HMX1: variants seen among roughly 807,000 people sequenced by gnomAD.
HMX1 encodes homeobox protein HMX1.
In HMX1, 8 loss-of-function variants were observed where a neutral mutation model predicts 8.9. The observed-to-expected ratio is 0.90, with a 90% CI of 0.53 to 1.63. The LOEUF is 1.63. HMX1 is among the 40% of genes most tolerant of loss of function. The pLI is 0.00. For missense variants in HMX1, 621 were observed against 558.5 expected, an observed-to-expected ratio of 1.11 and a Z score of -1.13; for synonymous variants, 311 against 283.4, an observed-to-expected ratio of 1.10 and a Z score of -0.98.
Position 8,868,434 on chromosome 4 carries a change from G to A in HMX1, c.395-89C>T, listed in dbSNP as rs1306843203. 2.7e-5 allele frequency: 28 copies of A among 1,026,164 alleles called. No individual in the cohort carries two copies. Among genetic ancestry groups the A allele is most frequent in the Non-Finnish European group, 3.5e-5 (28 of 794,850 alleles). 63.6% of individuals were successfully genotyped at this position (1,026,164 alleles called of 1,614,324 possible). A position where few individuals can be genotyped will look rare whatever the true frequency, so the allele number is the denominator to read the frequency against. ...GGCCAGCCGTCCCCACCTTGAGGTC[G>A]CTCACAGCCACAAGCAGGAAGACCT... On this transcript the variant is annotated intron_variant, in intron 1 of 1. Coordinates refer to ENST00000400677, the MANE Select transcript of HMX1 (RefSeq NM_018942.3). This position sits in a 1 kb window ranked among gnomAD's most constrained non-coding sequence, Gnocchi z 4.6.
chr4:8,867,741 G>A lies in HMX1; in HGVS notation c.999C>T (p.Ala333=), dbSNP rs569192304. 2.3e-6 allele frequency: 3 copies of A among 1,290,864 alleles called. No individual in the cohort carries two copies. Among genetic ancestry groups the A allele is most frequent in the Admixed American group, 3.7e-5 (1 of 27,190 alleles). The allele number at this position is 1,290,864 out of a possible 1,614,324, so 80.0% of individuals were successfully genotyped here. A position where few individuals can be genotyped will look rare whatever the true frequency, so the allele number is the denominator to read the frequency against. ...CCCGCAGAAAGGGCACGGAGGCGGC[G>A]GCCGGGAAGGCGGCCAGCGGGTAGG... The part of the protein sequence containing the change: ...ALAYPLAAFP[A]AASVPFLRAQ... The change falls in exon 2 of 2, where the codon GCC becomes GCT. Residue 333 remains alanine (A), a synonymous_variant. Transcript: ENST00000400677.
At chr4:8,861,449 G>A (rs1577197123) in intron 1 of HMX1, among the ~76,000 whole-genome samples, 2 of 152,332 alleles carry the variant, frequency 1.3e-5, no homozygotes, top group South Asian at 2.1e-4. Context: ...GAAGTAGGGA[G>A]AATCACGCTC....
At chr4:8,858,122 C>A (rs1172326416) in intron 1 of HMX1, among the ~76,000 whole-genome samples, 3 of 152,024 alleles carry the variant, frequency 2.0e-5, no homozygotes, top group African/African-American at 7.2e-5. Flanking sequence ...CGCCCCCAAG[C>A]CGGTCGAGGC....
At chr4:8,859,917 C>G (rs1207715766) in intron 1 of HMX1, among the ~76,000 whole-genome samples, 1 of 152,246 alleles carries the variant, frequency 6.6e-6, no homozygotes, top group East Asian at 1.9e-4. Flanking sequence ...GGATCTGTGT[C>G]CACCTCTGGA....
At chr4:8,857,693 G>A (rs1293785688) in intron 1 of HMX1, among the ~76,000 whole-genome samples, 1 of 152,222 alleles carries the variant, frequency 6.6e-6, no homozygotes, top group Non-Finnish European at 1.5e-5. Context: ...CTGAGTCTGG[G>A]GGTTCGGGAA....
intron 1 of HMX1, among the ~76,000 whole-genome samples, chr4:8,858,136 C>A (rs1416607455): frequency 3.3e-5 from 5 of 152,032 alleles, no homozygotes; most frequent in East Asian, 3.9e-4. Flanking sequence ...TCGAGGCCCC[C>A]GTCCATTTGG....
At position 8,870,407 on chromosome 4, in the gene HMX1, A is replaced by AC. The variant is rs1052391565; in HGVS notation, c.394+813dup. Among the ~76,000 whole-genome samples, 5 of 150,706 alleles carry AC rather than the reference A, an allele frequency of 3.3e-5. No individual in the cohort carries two copies. The highest frequency in any genetic ancestry group is 6.6e-5 in the Admixed American group (1 of 15,078). On this transcript the variant is annotated intron_variant, in intron 1 of 1. Transcript: ENST00000400677. This position sits in a 1 kb window ranked among gnomAD's most constrained non-coding sequence, Gnocchi z 4.4. ...GGGCAAAGGGGTTCTGGGGTTGAGA[A>AC]CCCCCAGCCCCAGTCTCAAGCCCTC...
intron 1 of HMX1, among the ~76,000 whole-genome samples, chr4:8,857,213 G>C (rs922759626): frequency 6.6e-6 from 1 of 152,208 alleles, no homozygotes; most frequent in East Asian, 1.9e-4. Context: ...CAATGCAGCC[G>C]CCGAGGAAGC....
At chr4:8,863,497 G>T (rs1721898073), downstream of HMX1, among the ~76,000 whole-genome samples, 1 of 152,256 alleles carries the variant, frequency 6.6e-6, no homozygotes, top group Non-Finnish European at 1.5e-5. Flanking sequence ...GCATGCGGAT[G>T]GGTGAGGGCA....
Position 8,868,392 on chromosome 4 carries a change from C to A in HMX1, c.395-47G>T. The A allele has an allele frequency of 7.6e-7, 1 of 1,309,168 alleles. No individual in the cohort carries two copies. The allele number at this position is 1,309,168 out of a possible 1,614,324, so 81.1% of individuals were successfully genotyped here. A position where few individuals can be genotyped will look rare whatever the true frequency, so the allele number is the denominator to read the frequency against. On this transcript the variant is annotated intron_variant, in intron 1 of 1. Coordinates refer to ENST00000400677, the MANE Select transcript of HMX1 (RefSeq NM_018942.3). This position sits in a 1 kb window ranked among gnomAD's most constrained non-coding sequence, Gnocchi z 4.6. Reference sequence around the variant, plus strand: ...ACCGTTGGTTCTAGGGCACTGATTACCAGACTCAATCACTGAGGCCAGCCG... The same window carrying A: ...ACCGTTGGTTCTAGGGCACTGATTAACAGACTCAATCACTGAGGCCAGCCG...
rs570236606 is a variant in HMX1, at chr4:8,867,161, G to T, written c.*532C>A. On this transcript the variant is annotated 3_prime_UTR_variant, in exon 2 of 2. Coordinates refer to ENST00000400677, the MANE Select transcript of HMX1 (RefSeq NM_018942.3). ...GCCCCAGCCTGCCTGCTCCTGGAAC[G>T]GACGATGGGACCCACAGGTCCAGGG... is the stretch of plus-strand genomic sequence containing the variant. 359 of 985,444 alleles carry T rather than the reference G, an allele frequency of 3.6e-4. 3 individuals are homozygous for T. The African/African-American group carries it at 5.8e-3, about 16-fold the overall frequency. The allele number at this position is 985,444 out of a possible 1,614,324, so 61.0% of individuals were successfully genotyped here.
chr4:8,866,434 C>T (rs1047132253), downstream of HMX1, among the ~76,000 whole-genome samples: 17 of 152,262 alleles, frequency 1.1e-4, no homozygotes, highest in Non-Finnish European at 1.8e-4. Flanking sequence ...TGTCCCTCCC[C>T]CACCCAAAAG....
downstream of HMX1, among the ~76,000 whole-genome samples, chr4:8,862,763 A>G (rs532343724): frequency 5.3e-5 from 8 of 152,336 alleles, no homozygotes; most frequent in East Asian, 1.2e-3. Flanking sequence ...AAAAATAAAC[A>G]AAAACTCAGC....
Position 8,854,698 on chromosome 4 carries a change from CTCTG to C in HMX1, c.395-8378_395-8375del, listed in dbSNP as rs891158641. Among the ~76,000 whole-genome samples the C allele has an allele frequency of 5.1e-4, 77 of 152,358 alleles. 1 individual carries two copies. Among genetic ancestry groups the C allele is most frequent in the African/African-American group, 1.7e-3 (72 of 41,588 alleles). The stretch of plus-strand genomic sequence containing the variant: ...AAAATTGCATATGTGCTCCCTGTCT[CTCTG>C]TCTATCTAACTATTCTATTGATTCT... On this transcript the variant is annotated intron_variant, in intron 1 of 1. Coordinates refer to the HMX1 transcript ENST00000506970.
rs1442317752 is a variant in HMX1, at chr4:8,868,126, T to G, written c.614A>C (p.Lys205Thr). The change falls in exon 2 of 2, where the codon AAG becomes ACG. Residue 205 changes from lysine (K) to threonine (T), a missense_variant. Lys to Thr is a moderately conservative substitution (Grantham distance 78). Coordinates refer to ENST00000400677, the MANE Select transcript of HMX1 (RefSeq NM_018942.3). The surrounding 1 kb of genome is among the most constrained non-coding windows in gnomAD (Gnocchi z 4.6). ...GVGVGGGRKK[K>T]TRTVFSRSQV... ...GCTGCGGGAGAAGACTGTGCGCGTC[T>G]TCTTCTTTCGGCCGCCGCCCACGCC... The G allele has an allele frequency of 2.1e-5, 32 of 1,514,504 alleles. No homozygotes were observed. The highest frequency in any genetic ancestry group is 2.2e-5 in the Non-Finnish European group (25 of 1,135,688). The allele number at this position is 1,514,504 out of a possible 1,614,324, so 93.8% of individuals were successfully genotyped here.
In HMX1 at chr4:8,868,441, G is replaced by C; in HGVS notation, c.395-96C>G. 1 of 968,542 alleles carries C rather than the reference G, an allele frequency of 1.0e-6. No homozygotes were observed. The highest frequency in any genetic ancestry group is 1.7e-5 in the African/African-American group (1 of 58,244). 60.0% of individuals were successfully genotyped at this position (968,542 alleles called of 1,614,324 possible). ...CGTCCCCACCTTGAGGTCGCTCACAGCCACAAGCAGGAAGACCTTCCAGCA... is the reference window on the plus strand; with the variant it reads ...CGTCCCCACCTTGAGGTCGCTCACACCCACAAGCAGGAAGACCTTCCAGCA... On this transcript the variant is annotated intron_variant, in intron 1 of 1. Coordinates refer to ENST00000400677, the MANE Select transcript of HMX1 (RefSeq NM_018942.3). This position sits in a 1 kb window ranked among gnomAD's most constrained non-coding sequence, Gnocchi z 4.6.
Position 8,851,380 on chromosome 4 carries a change from T to C in HMX1, c.395-5056A>G, listed in dbSNP as rs1192353749. On this transcript the variant is annotated intron_variant, in intron 1 of 1. Coordinates refer to the HMX1 transcript ENST00000506970. ...CAGGACAGGATGCAGAGGTGGGCATTCTCACAGCTTCCCTCCATGGCTCCC... is the reference window on the plus strand; with the variant it reads ...CAGGACAGGATGCAGAGGTGGGCATCCTCACAGCTTCCCTCCATGGCTCCC... 1.1e-4 allele frequency among the ~76,000 whole-genome samples: 16 copies of C among 152,190 alleles called. No individual in the cohort carries two copies. The South Asian group carries it at 3.1e-3, about 30-fold the overall frequency.
chr4:8,860,522 C>A (rs1403595419), intron 1 of HMX1: 1 of 152,028 alleles, frequency 6.6e-6, no homozygotes, highest in Admixed American at 6.5e-5. Context: ...GCACCGCGCA[C>A]GGTCCAGGAA....
At position 8,868,191 on chromosome 4, in the gene HMX1, G is replaced by T; in HGVS notation, c.549C>A (p.Ala183=). Residue 183 remains alanine, a synonymous_variant, in exon 2 of 2, where the codon GCC becomes GCA. Coordinates refer to ENST00000400677, the MANE Select transcript of HMX1 (RefSeq NM_018942.3). This position sits in a 1 kb window ranked among gnomAD's most constrained non-coding sequence, Gnocchi z 4.6. The stretch of plus-strand genomic sequence containing the variant: ...TCTCCCCAGCCGCCGCAGGGACCTC[G>T]GCCAGCTCCGACGCCTCCTCCGTGC... ...AAGTEEASEL[A]EVPAAAGETR... The T allele has an allele frequency of 6.7e-7, 1 of 1,485,352 alleles. No individual in the cohort carries two copies. The highest frequency in any genetic ancestry group is 8.9e-7 in the Non-Finnish European group (1 of 1,123,488). 92.0% of individuals were successfully genotyped at this position (1,485,352 alleles called of 1,614,324 possible).
Sources: gnomAD v4.1 joint callset for allele counts (sites outside exome capture counted in the v4.1 genomes callset) on GRCh38, gnomAD v4.1.1 for gene constraint, Gnocchi (gnomAD v3.1) non-coding constraint, MANE v1.5 for transcripts, NCBI Gene and HGNC (gene_info 2026-07-23, HGNC 2026-07-21) for gene names.